Variants in CTNNA3 observed in about 807,000 individuals in gnomAD.
CTNNA3 encodes the protein catenin alpha 3.
Under a neutral mutation model 95.7 loss-of-function variants are expected in CTNNA3, and 76 were observed. That is an observed-to-expected ratio of 0.79 (90% confidence interval 0.66 to 0.96). The LOEUF is 0.96. CTNNA3 is among the 40% of genes least tolerant of loss of function. The pLI, the probability that CTNNA3 is intolerant of heterozygous loss-of-function variation, is 0.00. For missense variants in CTNNA3, 1,191 were observed against 1,089.8 expected (o/e 1.09, Z -1.31); for synonymous variants, 431 against 374.4 (o/e 1.15, Z -1.74).
Position 67,170,420 on chromosome 10 carries a change from T to C in CTNNA3, c.1047+9897A>G, listed in dbSNP as rs569369169. ...AAGAAAACAAGGCACATATTCACCA[T>C]GGAATATTATGCAGCTATAAAAAAT... On this transcript the variant is annotated intron_variant, in intron 7 of 17. Coordinates refer to ENST00000433211, the MANE Select transcript of CTNNA3 (RefSeq NM_013266.4). 4.6e-5 allele frequency among the ~76,000 whole-genome samples: 7 copies of C among 152,324 alleles called. No individual in the cohort carries two copies. The South Asian group carries it at 1.4e-3, about 32-fold the overall frequency.
chr10:65,957,720 C>T (rs1369325450), intron 17 of CTNNA3, among the ~76,000 whole-genome samples: 1 of 152,160 alleles, frequency 6.6e-6, no homozygotes, highest in Non-Finnish European at 1.5e-5. Flanking sequence ...TATTGGCCCT[C>T]TCTTCTGGCT....
chr10:67,400,924 T>C (rs1197899951), intron 5 of CTNNA3, among the ~76,000 whole-genome samples: 2 of 152,180 alleles, frequency 1.3e-5, no homozygotes, highest in Non-Finnish European at 2.9e-5. Context: ...AAAACTTTGC[T>C]GTCATCCTCA....
chr10:67,289,617 A>C (rs915820816), intron 5 of CTNNA3, among the ~76,000 whole-genome samples: 3 of 152,150 alleles, frequency 2.0e-5, no homozygotes, highest in Admixed American at 1.3e-4. Flanking sequence ...AAACATGTTC[A>C]GTACATGTAT....
intron 7 of CTNNA3, among the ~76,000 whole-genome samples, chr10:66,857,748 G>A (rs1011385997): frequency 4.0e-5 from 6 of 151,764 alleles, no homozygotes; most frequent in Admixed American, 1.3e-4. Context: ...ATTTTTGTAC[G>A]TTGATTTTGT....
At chr10:67,582,175 C>T (rs1306588604) in intron 3 of CTNNA3, among the ~76,000 whole-genome samples, 1 of 140,436 alleles carries the variant, frequency 7.1e-6, no homozygotes, top group East Asian at 2.0e-4. Context: ...TAGGTCTTTC[C>T]TGCTTTCTCT....
rs1324458820 is a variant in CTNNA3 at position 65,966,706 on chromosome 10, AGGTAGGCCAACAAGTCCT to A, written c.2288_2305del (p.Gln763_Tyr768del). 1 of 1,613,374 alleles carries A rather than the reference AGGTAGGCCAACAAGTCCT, an allele frequency of 6.2e-7. No homozygotes were observed. Among genetic ancestry groups the A allele is most frequent in the East Asian group, 2.2e-5 (1 of 44,858 alleles). On this transcript the variant is annotated inframe_deletion, in exon 17 of 18. Transcript: ENST00000433211. ...GTGGGAGTAGAACTTAATCTGTTCC[AGGTAGGCCAACAAGTCCT>A]GTTTACAAGATGGATCTGGGCACTA...
intron 7 of CTNNA3, among the ~76,000 whole-genome samples, chr10:66,874,903 A>C (rs545637993): frequency 1.1e-4 from 17 of 152,316 alleles, no homozygotes; most frequent in Admixed American, 5.2e-4. Context: ...AACAGACACT[A>C]TTCCTACTTC....
intron 10 of CTNNA3, among the ~76,000 whole-genome samples, chr10:66,602,385 A>G (rs1470119101): frequency 6.6e-6 from 1 of 151,932 alleles, no homozygotes; most frequent in Non-Finnish European, 1.5e-5. Flanking sequence ...CTTTTTTTAA[A>G]AAAACTGTTT....
In CTNNA3 at chr10:65,934,772, A is replaced by G. The variant is rs531996724; in HGVS notation, c.2401-14155T>C. 2.6e-4 allele frequency among the ~76,000 whole-genome samples: 39 copies of G among 152,254 alleles called. No individual in the cohort carries two copies. The South Asian group carries it at 5.8e-3, about 23-fold the overall frequency. On this transcript the variant is annotated intron_variant, in intron 17 of 17. Transcript: ENST00000433211. ...GAGAATGGCTGCATGGAGGAACCAA[A>G]GGAAAGCCCCTTTAATAAGTAAAAG...
At chr10:66,052,060 AT>A (rs2079970480) in intron 15 of CTNNA3, among the ~76,000 whole-genome samples, 1 of 152,194 alleles carries the variant, frequency 6.6e-6, no homozygotes, top group Non-Finnish European at 1.5e-5. Context: ...TGAATGCTAT[AT>A]TGATGGGAAA....
Position 65,915,746 on chromosome 10 carries a change from A to G in CTNNA3, c.*4584T>C, listed in dbSNP as rs2076999212. 1 of 152,176 alleles carries G rather than the reference A, an allele frequency of 6.6e-6. No homozygotes were observed. Among genetic ancestry groups the G allele is most frequent in the Non-Finnish European group, 1.5e-5 (1 of 68,034 alleles). 9.4% of individuals were successfully genotyped at this position (152,176 alleles called of 1,614,324 possible). On this transcript the variant is annotated 3_prime_UTR_variant, in exon 18 of 18. Transcript: ENST00000433211. ...TTACTTTCTTTTAGAGTGTCCAGAA[A>G]TGGATTCTATCTTGTCTGTTAGGGG...
At chr10:66,507,120 T>C (rs1365908245) in intron 11 of CTNNA3, among the ~76,000 whole-genome samples, 1 of 152,198 alleles carries the variant, frequency 6.6e-6, no homozygotes, top group Non-Finnish European at 1.5e-5. Flanking sequence ...AAATTTAGAT[T>C]AAAACTTTGT....
At chr10:66,233,589 A>G (rs766342489) in intron 13 of CTNNA3, among the ~76,000 whole-genome samples, 1 of 152,182 alleles carries the variant, frequency 6.6e-6, no homozygotes. Flanking sequence ...ATTTATCAAG[A>G]AAATGCATAT....
At chr10:67,087,342 C>T (rs1857362323) in intron 7 of CTNNA3, among the ~76,000 whole-genome samples, 1 of 151,674 alleles carries the variant, frequency 6.6e-6, no homozygotes, top group Non-Finnish European at 1.5e-5. Flanking sequence ...CTAGGAAGCA[C>T]TAAAGAATTT....
chr10:67,583,219 G>C (rs1423371441), intron 3 of CTNNA3, among the ~76,000 whole-genome samples: 2 of 152,078 alleles, frequency 1.3e-5, no homozygotes, highest in Non-Finnish European at 2.9e-5. Flanking sequence ...TCCATGTTTA[G>C]TGCTTCCTTC....
chr10:67,317,889 G>A (rs1231351188), intron 5 of CTNNA3, among the ~76,000 whole-genome samples: 1 of 134,472 alleles, frequency 7.4e-6, no homozygotes. Context: ...TATTTTTATA[G>A]CCCTTGTGAA....
At chr10:67,383,373 G>A (rs889976901) in intron 5 of CTNNA3, among the ~76,000 whole-genome samples, 4 of 152,140 alleles carry the variant, frequency 2.6e-5, no homozygotes, top group African/African-American at 9.7e-5. Context: ...AACAGTCGTG[G>A]TAAGAAAGTA....
Position 66,746,470 on chromosome 10 carries a change from C to T in CTNNA3, c.1281+19794G>A, listed in dbSNP as rs552044436. On this transcript the variant is annotated intron_variant, in intron 9 of 17. Transcript: ENST00000433211. ...AAAGCCTGTAACATAGTCTGGCATGCAAAAGCATTTACACAGGATAGCTAT... is the reference window on the plus strand; with the variant it reads ...AAAGCCTGTAACATAGTCTGGCATGTAAAAGCATTTACACAGGATAGCTAT... Among the ~76,000 whole-genome samples the T allele has an allele frequency of 2.0e-5, 3 of 152,254 alleles. No individual in the cohort carries two copies. In the East Asian group the frequency reaches 5.8e-4, roughly 29 times the overall value.
intron 12 of CTNNA3, among the ~76,000 whole-genome samples, chr10:66,349,053 T>C (rs557087851): frequency 1.3e-5 from 2 of 152,094 alleles, no homozygotes; most frequent in Admixed American, 6.5e-5. Flanking sequence ...ATGGGATATA[T>C]TTGATTACAT....
Sources: allele counts gnomAD v4.1 joint callset (sites outside exome capture counted in the v4.1 genomes callset), GRCh38; gene constraint gnomAD v4.1.1; transcripts MANE v1.5; gene names NCBI Gene and HGNC (gene_info 2026-07-23, HGNC 2026-07-21).